Variants in ADAMTSL1 observed in about 807,000 individuals in gnomAD.
ADAMTSL1 encodes the protein ADAMTS like 1.
In ADAMTSL1, 126 loss-of-function variants were observed where a neutral mutation model predicts 201.8. The ratio of observed to expected loss-of-function variants is 0.62; its 90% confidence interval spans 0.54 to 0.72. The LOEUF is 0.72. Among genes scored for constraint, ADAMTSL1 ranks in the 30% least tolerant of loss-of-function variants. ADAMTSL1 has a pLI of 0.00. For missense variants in ADAMTSL1, 2,679 were observed against 2,277.8 expected, an observed-to-expected ratio of 1.18 and a Z score of -3.59; for synonymous variants, 1,121 against 903.4, an observed-to-expected ratio of 1.24 and a Z score of -4.32.
At chr9:18,791,923 G>A (rs1441289598) in intron 19 of ADAMTSL1, among the ~76,000 whole-genome samples, 1 of 152,070 alleles carries the variant, frequency 6.6e-6, no homozygotes, top group Admixed American at 6.5e-5. Flanking sequence ...TCTTTTCCAG[G>A]CTTCAGACAT....
At chr9:18,288,409 T>A (rs1449261313) in intron 2 of ADAMTSL1, among the ~76,000 whole-genome samples, 4 of 152,202 alleles carry the variant, frequency 2.6e-5, no homozygotes, top group Non-Finnish European at 5.9e-5. Flanking sequence ...GTTCTTTAAA[T>A]GTAGCAGTTC....
chr9:18,170,630 A>G (rs898255221), intron 2 of ADAMTSL1, among the ~76,000 whole-genome samples: 2 of 152,094 alleles, frequency 1.3e-5, no homozygotes, highest in African/African-American at 4.8e-5. Context: ...AAACAGATTT[A>G]AATAAGAGAA....
At chr9:18,824,270 G>C (rs1286254026) in intron 21 of ADAMTSL1, among the ~76,000 whole-genome samples, 3 of 151,972 alleles carry the variant, frequency 2.0e-5, no homozygotes, top group Non-Finnish European at 4.4e-5. Flanking sequence ...GCTCTCCCTA[G>C]TGGTGCTGCA....
chr9:18,565,414 A>T (rs565538842), intron 3 of ADAMTSL1, among the ~76,000 whole-genome samples: 2 of 152,190 alleles, frequency 1.3e-5, no homozygotes, highest in Middle Eastern at 3.2e-3. Flanking sequence ...TTTCCCTTGA[A>T]TATGTTATTT....
chr9:18,339,508 A>C (rs931154934), intron 2 of ADAMTSL1, among the ~76,000 whole-genome samples: 1 of 152,186 alleles, frequency 6.6e-6, no homozygotes, highest in African/African-American at 2.4e-5. Context: ...TGTTGGTGGG[A>C]ATGTAAATTA....
At chr9:18,883,240 A>C (rs1266916625) in intron 23 of ADAMTSL1, among the ~76,000 whole-genome samples, 1 of 152,188 alleles carries the variant, frequency 6.6e-6, no homozygotes, top group Non-Finnish European at 1.5e-5. Context: ...AGCTGATCTA[A>C]GCTGGGTTTG....
At chr9:17,978,395 G>A (rs1416244148) in intron 1 of ADAMTSL1, among the ~76,000 whole-genome samples, 2 of 151,454 alleles carry the variant, frequency 1.3e-5, no homozygotes, top group African/African-American at 4.8e-5. Flanking sequence ...GTCTTCCTTT[G>A]TGATTAGATG....
chr9:18,421,865 T>C (rs1338639064), intron 2 of ADAMTSL1, among the ~76,000 whole-genome samples: 2 of 152,208 alleles, frequency 1.3e-5, no homozygotes, highest in Non-Finnish European at 2.9e-5. Context: ...GGGATATTAC[T>C]TTTATATGGA....
At chr9:18,067,972 G>A (rs551809594) in intron 1 of ADAMTSL1, among the ~76,000 whole-genome samples, 10 of 152,114 alleles carry the variant, frequency 6.6e-5, no homozygotes, top group South Asian at 4.1e-4. Flanking sequence ...AAAAGCTTTC[G>A]ACAGGATAAT....
chr9:18,066,882 C>T (rs914451764), intron 1 of ADAMTSL1, among the ~76,000 whole-genome samples: 3 of 151,912 alleles, frequency 2.0e-5, no homozygotes, highest in Non-Finnish European at 2.9e-5. Context: ...TAAACTATTG[C>T]GAGAACAAAA....
intron 1 of ADAMTSL1, among the ~76,000 whole-genome samples, chr9:18,134,766 G>A (rs1319945606): frequency 6.6e-6 from 1 of 152,176 alleles, no homozygotes; most frequent in African/African-American, 2.4e-5. Context: ...CATCTGAAAT[G>A]ATATTTTGAT....
chr9:17,907,640 G>A (rs1181217783), intron 1 of ADAMTSL1, among the ~76,000 whole-genome samples: 3 of 152,190 alleles, frequency 2.0e-5, no homozygotes, highest in Non-Finnish European at 4.4e-5. Context: ...CTGAGGCGGC[G>A]CGGAAGGGCC....
chr9:18,381,098 A>C (rs554484769), intron 2 of ADAMTSL1, among the ~76,000 whole-genome samples: 1 of 152,318 alleles, frequency 6.6e-6, no homozygotes, highest in East Asian at 1.9e-4. Context: ...AATGAAATGC[A>C]CTTGAATGGG....
intron 2 of ADAMTSL1, among the ~76,000 whole-genome samples, chr9:18,168,279 C>G (rs1827724200): frequency 6.6e-6 from 1 of 152,054 alleles, no homozygotes; most frequent in Admixed American, 6.6e-5. Context: ...TCACCCCTCC[C>G]CCAACCCCAC....
At chr9:18,783,287 T>G (rs1049503049) in intron 19 of ADAMTSL1, among the ~76,000 whole-genome samples, 8 of 152,326 alleles carry the variant, frequency 5.3e-5, no homozygotes, top group Middle Eastern at 6.8e-3. Context: ...AGAATACTTC[T>G]CTTTTAAACT....
At chr9:17,956,876 C>G (rs1216061768) in intron 1 of ADAMTSL1, among the ~76,000 whole-genome samples, 1 of 152,120 alleles carries the variant, frequency 6.6e-6, no homozygotes, top group Non-Finnish European at 1.5e-5. Flanking sequence ...GGCTATTGCC[C>G]TGCCCCTGGT....
chr9:18,771,733 TG>T (rs1820701931), intron 17 of ADAMTSL1, among the ~76,000 whole-genome samples: 3 of 99,564 alleles, frequency 3.0e-5, no homozygotes, highest in Non-Finnish European at 4.3e-5. Context: ...TTTTTTTTTT[TG>T]GATAGTATAC....
chr9:18,552,647 G>A (rs1820857702), intron 3 of ADAMTSL1, among the ~76,000 whole-genome samples: 2 of 151,590 alleles, frequency 1.3e-5, no homozygotes, highest in Non-Finnish European at 3.0e-5. Flanking sequence ...CTTCTTCTTT[G>A]TTAGGTTAAT....
At chr9:17,978,399 T>C (rs1818540027) in intron 1 of ADAMTSL1, among the ~76,000 whole-genome samples, 2 of 152,062 alleles carry the variant, frequency 1.3e-5, no homozygotes, top group South Asian at 4.1e-4. Context: ...TCCTTTGTGA[T>C]TAGATGATTT....
Sources: allele counts gnomAD v4.1 joint callset (sites outside exome capture counted in the v4.1 genomes callset), GRCh38; gene constraint gnomAD v4.1.1; transcripts MANE v1.5; gene names NCBI Gene and HGNC (gene_info 2026-07-23, HGNC 2026-07-21).